The following TAFA2 variants were observed in gnomAD, a reference collection of about 807,000 sequenced individuals.
TAFA2 encodes TAFA chemokine like family member 2, also known as chemokine-like protein TAFA-2.
In TAFA2, 7 loss-of-function variants were observed where a neutral mutation model predicts 18.8. The observed-to-expected ratio is 0.37, with a 90% confidence interval of 0.21 to 0.70. The LOEUF is 0.70. Ranked by LOEUF, TAFA2 falls within the 30% of genes least tolerant of loss-of-function variation. TAFA2 has a pLI of 0.53. For missense variants in TAFA2, 122 were observed against 158.1 expected, an observed-to-expected ratio of 0.77 and a Z score of 1.23; for synonymous variants, 60 against 54.2, an observed-to-expected ratio of 1.11 and a Z score of -0.47.
intron 1 of TAFA2, among the ~76,000 whole-genome samples, chr12:62,107,509 C>A (rs922490500): frequency 6.6e-6 from 1 of 152,148 alleles, no homozygotes; most frequent in Non-Finnish European, 1.5e-5. Context: ...AGCCTAGGGA[C>A]CTCAAAAGTT....
intron 1 of TAFA2, among the ~76,000 whole-genome samples, chr12:62,225,863 T>C (rs2700276): frequency 0.33 from 49,824 of 152,148 alleles, 9,138 homozygotes; most frequent in South Asian, 0.45. Context: ...TTTTATACAT[T>C]GCTGATTGGT....
chr12:61,855,461 A>G (rs1404851955), intron 2 of TAFA2, among the ~76,000 whole-genome samples: 2 of 152,188 alleles, frequency 1.3e-5, no homozygotes, highest in African/African-American at 4.8e-5. Flanking sequence ...CTATTAAGGA[A>G]GCTGAATTCA....
rs924532359 is a variant in TAFA2 at position 62,208,578 on chromosome 12, T to C, written c.-130+50185A>G. On this transcript the variant is annotated intron_variant, in intron 1 of 5. Transcript: ENST00000551619. ...TAGCTATAAAATCATTGTGAATACC[T>C]AGCATGGGGCTAGGATTAGGCAGGG... Among the ~76,000 whole-genome samples, 4 of 151,326 alleles carry C rather than the reference T, an allele frequency of 2.6e-5. No homozygotes were observed. In the South Asian group the frequency reaches 6.3e-4, roughly 24 times the overall value.
At chr12:61,867,467 T>C (rs1333314067) in intron 1 of TAFA2, 41 bp from the exon 2 acceptor site, 3 of 1,219,646 alleles carry the variant, frequency 2.5e-6, no homozygotes, top group South Asian at 2.5e-5. Context: ...GTATGCAAAT[T>C]CATAGCTTTT....
intron 2 of TAFA2, among the ~76,000 whole-genome samples, chr12:61,854,720 A>T (rs1470498166): frequency 6.6e-6 from 1 of 152,188 alleles, no homozygotes; most frequent in Non-Finnish European, 1.5e-5. Flanking sequence ...TTCCCTCCAT[A>T]GAATTCCATA....
At chr12:61,820,370 ACAATG>A (rs2121045585) in intron 2 of TAFA2, among the ~76,000 whole-genome samples, 1 of 152,146 alleles carries the variant, frequency 6.6e-6, no homozygotes, top group South Asian at 2.1e-4. Context: ...GATGTTCACT[ACAATG>A]TCTACATTCA....
intron 1 of TAFA2, among the ~76,000 whole-genome samples, chr12:62,034,568 C>T (rs77336174): frequency 0.069 from 10,427 of 152,008 alleles, 462 homozygotes; most frequent in Non-Finnish European, 0.11. Context: ...GTGTTGGCTC[C>T]CTAATTATGC....
At chr12:61,981,298 A>G (rs1879627858) in intron 1 of TAFA2, among the ~76,000 whole-genome samples, 1 of 152,222 alleles carries the variant, frequency 6.6e-6, no homozygotes, top group East Asian at 1.9e-4. Context: ...CGCCTTATAC[A>G]AAAATTAATT....
intron 1 of TAFA2, among the ~76,000 whole-genome samples, chr12:61,999,901 G>T (rs1007246002): frequency 6.6e-6 from 1 of 152,132 alleles, no homozygotes; most frequent in African/African-American, 2.4e-5. Context: ...TGGGAAAGAG[G>T]TAGCATCTTG....
chr12:61,799,648 T>C (rs916397401), intron 2 of TAFA2, among the ~76,000 whole-genome samples: 1 of 151,892 alleles, frequency 6.6e-6, no homozygotes, highest in African/African-American at 2.4e-5. Context: ...CGGTGAAACC[T>C]CGTCTCTACT....
chr12:61,847,515 GA>G (rs1873456247), intron 2 of TAFA2, among the ~76,000 whole-genome samples: 1 of 152,170 alleles, frequency 6.6e-6, no homozygotes, highest in Admixed American at 6.5e-5. Context: ...ATTACTTTGA[GA>G]AACGCATTAC....
intron 1 of TAFA2, among the ~76,000 whole-genome samples, chr12:62,071,905 A>G (rs978330206): frequency 3.9e-5 from 6 of 152,190 alleles, no homozygotes; most frequent in Admixed American, 1.3e-4. Context: ...TCTTTTTGAG[A>G]TGCCTAGAAC....
chr12:62,203,811 A>T (rs926601284), intron 1 of TAFA2, among the ~76,000 whole-genome samples: 2 of 152,042 alleles, frequency 1.3e-5, no homozygotes, highest in South Asian at 4.1e-4. Flanking sequence ...GTGTTTTTTA[A>T]TTGGGGCATT....
At chr12:62,043,368 A>G (rs1051315355) in intron 1 of TAFA2, among the ~76,000 whole-genome samples, 2 of 152,146 alleles carry the variant, frequency 1.3e-5, no homozygotes, top group Admixed American at 1.3e-4. Context: ...CAAGGACAAA[A>G]AACCAAACAC....
At chr12:62,012,064 A>G (rs1464269056) in intron 1 of TAFA2, among the ~76,000 whole-genome samples, 2 of 152,208 alleles carry the variant, frequency 1.3e-5, no homozygotes, top group Non-Finnish European at 1.5e-5. Context: ...TTCATAGTAC[A>G]TGCTGAACAT....
At chr12:61,828,955 A>C (rs1872620318) in intron 2 of TAFA2, among the ~76,000 whole-genome samples, 1 of 151,820 alleles carries the variant, frequency 6.6e-6, no homozygotes, top group African/African-American at 2.4e-5. Flanking sequence ...TTGAATAGCC[A>C]TCTGATGACT....
chr12:62,151,067 C>T (rs963060561), intron 1 of TAFA2, among the ~76,000 whole-genome samples: 4 of 152,234 alleles, frequency 2.6e-5, no homozygotes, highest in African/African-American at 9.6e-5. Context: ...TTTATTTAGC[C>T]ATTTGGGATC....
At chr12:61,895,812 A>C (rs1345017809) in intron 1 of TAFA2, among the ~76,000 whole-genome samples, 1 of 152,136 alleles carries the variant, frequency 6.6e-6, no homozygotes, top group Non-Finnish European at 1.5e-5. Flanking sequence ...TGAATGAAAA[A>C]ATGAAGGCAT....
chr12:62,192,814 T>G (rs1354355603), upstream of TAFA2: 4 of 151,982 alleles, frequency 2.6e-5, no homozygotes, highest in Non-Finnish European at 4.4e-5. Flanking sequence ...AACGAGACAG[T>G]AAAAGATGAG....
Sources: allele counts gnomAD v4.1 joint callset (sites outside exome capture counted in the v4.1 genomes callset), GRCh38; gene constraint gnomAD v4.1.1; transcripts MANE v1.5; gene names NCBI Gene and HGNC (gene_info 2026-07-23, HGNC 2026-07-21).